The following CAPN14 variants were observed in gnomAD, a reference collection of about 807,000 sequenced individuals.
The protein encoded by CAPN14 is calpain-14.
In CAPN14, 94 loss-of-function variants were observed where a neutral mutation model predicts 101.3. The ratio of observed to expected loss-of-function variants is 0.93; its 90% CI spans 0.79 to 1.10. The LOEUF is 1.10. Among genes scored for constraint, CAPN14 ranks in the 50% least tolerant of loss-of-function variants. The pLI, the probability that CAPN14 is intolerant of heterozygous loss-of-function variation, is 0.00. For synonymous variants in CAPN14, 338 were observed against 317.9 expected (o/e 1.06, Z -0.67); for missense variants, 837 against 828.4 (o/e 1.01, Z -0.13).
upstream of CAPN14, among the ~76,000 whole-genome samples, chr2:31,219,610 A>C (rs897062311): frequency 3.3e-5 from 5 of 152,210 alleles, no homozygotes; most frequent in Non-Finnish European, 7.3e-5. Context: ...GAGCAGTAGA[A>C]CCGGAGCACT....
At chr2:31,206,398 G>A (rs1025870023) in intron 1 of CAPN14, among the ~76,000 whole-genome samples, 1 of 152,110 alleles carries the variant, frequency 6.6e-6, no homozygotes, top group Non-Finnish European at 1.5e-5. Flanking sequence ...AGATACAGAC[G>A]CCCGCCACCA....
chr2:31,190,060 C>G (rs1012616516), intron 12 of CAPN14, among the ~76,000 whole-genome samples: 2 of 152,124 alleles, frequency 1.3e-5, no homozygotes, highest in African/African-American at 2.4e-5. Context: ...ACAAAGAGAA[C>G]TGGGCAAGAG....
upstream of CAPN14, among the ~76,000 whole-genome samples, chr2:31,220,714 A>G (rs544073978): frequency 3.9e-5 from 6 of 152,318 alleles, 1 homozygote; most frequent in African/African-American, 1.4e-4. Context: ...CTGTAATCCC[A>G]GCTACTCAGG....
At chr2:31,204,720 T>G (rs1681980803) in intron 2 of CAPN14, among the ~76,000 whole-genome samples, 1 of 152,178 alleles carries the variant, frequency 6.6e-6, no homozygotes, top group Non-Finnish European at 1.5e-5. Flanking sequence ...TGCCTTGCCC[T>G]GTGCATCTCT....
upstream of CAPN14, among the ~76,000 whole-genome samples, chr2:31,220,080 G>A (rs962478772): frequency 2.6e-5 from 4 of 152,174 alleles, no homozygotes; most frequent in African/African-American, 9.7e-5. Flanking sequence ...TCTCACTACT[G>A]TGTGAATAGC....
At chr2:31,209,870 T>C (rs1484724251) in intron 1 of CAPN14, among the ~76,000 whole-genome samples, 3 of 152,150 alleles carry the variant, frequency 2.0e-5, no homozygotes, top group African/African-American at 4.8e-5. Context: ...TCAGAGCTAC[T>C]TGGCCTTTTA....
At chr2:31,229,043 A>G (rs922758118) in intron 1 of CAPN14, among the ~76,000 whole-genome samples, 2 of 152,346 alleles carry the variant, frequency 1.3e-5, no homozygotes, top group Non-Finnish European at 2.9e-5. Flanking sequence ...GGGGCATTAC[A>G]TGCAGCAGGA....
chr2:31,178,547 T>A lies in CAPN14; in HGVS notation c.1743A>T (p.Glu581Asp). Residue 581 changes from glutamate (E) to aspartate (D), a missense_variant, in exon 18 of 22, where the codon GAA becomes GAT. Physicochemically the swap from Glu to Asp is conservative, Grantham distance 45 (BLOSUM62 2). Transcript: ENST00000403897. ...TCAGCTGCTTCCACAGGTCCCTGAATTCCTGGATGCTCATAGTACCTGATG... is the reference window on the plus strand; with the variant it reads ...TCAGCTGCTTCCACAGGTCCCTGAAATCCTGGATGCTCATAGTACCTGATG... Reference protein sequence around the residue: ...LNASGTMSIQEFRDLWKQLKL... With the variant: ...LNASGTMSIQDFRDLWKQLKL... The A allele has an allele frequency of 1.3e-6, 2 of 1,549,386 alleles. No homozygotes were observed. The highest frequency in any genetic ancestry group is 8.7e-7 in the Non-Finnish European group (1 of 1,146,142).
At chr2:31,199,323 A>C (rs1206447919) in intron 7 of CAPN14, 147 bp downstream of exon 7, 2 of 726,948 alleles carry the variant, frequency 2.8e-6, no homozygotes, top group Non-Finnish European at 4.8e-6. Context: ...ACTTCACCGC[A>C]GGAAATAGAT....
chr2:31,192,188 G>A (rs17010928), intron 10 of CAPN14, 90 bp from the exon 11 acceptor site: 117,324 of 1,372,488 alleles, frequency 0.085, 7,917 homozygotes, highest in African/African-American at 0.35. Context: ...GTCTGAGGAC[G>A]CCTCTGCCAG....
intron 18 of CAPN14, 114 bp from the exon 19 acceptor site, chr2:31,177,935 C>A: frequency 1.4e-6 from 1 of 738,980 alleles, no homozygotes. Flanking sequence ...ATCTGAGGCT[C>A]CACATGCAGG....
rs1365466069 is a variant in CAPN14 at position 31,230,917 on chromosome 2, A to C, written c.-177+2874T>G. On this transcript the variant is annotated intron_variant and NMD_transcript_variant, in intron 1 of 21. Transcript: ENST00000398824. The surrounding 1 kb of genome is among the most constrained non-coding windows in gnomAD (Gnocchi z 4.3). ...CTGACTTTGTGGTGATATATATGCA[A>C]TCTCTATTGCAACTTCTGTATATGT... Among the ~76,000 whole-genome samples the C allele has an allele frequency of 6.6e-6, 1 of 152,066 alleles. No individual in the cohort carries two copies. The highest frequency in any genetic ancestry group is 1.5e-5 in the Non-Finnish European group (1 of 68,026).
At chr2:31,181,921 A>C (rs1360373548) in intron 16 of CAPN14, among the ~76,000 whole-genome samples, 12 of 151,432 alleles carry the variant, frequency 7.9e-5, no homozygotes, top group Non-Finnish European at 1.8e-4. Context: ...CCAGTCTATC[A>C]TTGTTGGACA....
rs544925747 is a variant in CAPN14, at chr2:31,186,190, T to C, written c.1645+238A>G. On this transcript the variant is annotated intron_variant, in intron 16 of 21. Transcript: ENST00000403897. ...TAGCAAAATGGCAGGAATCTTCATT[T>C]TCACTGCCATGTATGTCTATACCCA... Among the ~76,000 whole-genome samples, 5 of 152,388 alleles carry C rather than the reference T, an allele frequency of 3.3e-5. No homozygotes were observed. In the South Asian group the frequency reaches 1.0e-3, roughly 32 times the overall value.
rs545340667 is a variant in CAPN14 at position 31,196,676 on chromosome 2, G to A, written c.875+573C>T. 6.6e-5 allele frequency among the ~76,000 whole-genome samples: 10 copies of A among 152,264 alleles called. No individual in the cohort carries two copies. The South Asian group carries it at 1.5e-3, about 22-fold the overall frequency. On this transcript the variant is annotated intron_variant, in intron 8 of 21. Coordinates refer to ENST00000403897, the MANE Select transcript of CAPN14 (RefSeq NM_001145122.2). ...GCCTGTGCCCTACAGCCAGTGTCTA[G>A]CCTGCAAAACCCGCATTTCTTTAGG...
chr2:31,214,844 C>T (rs1368127787), intron 1 of CAPN14, among the ~76,000 whole-genome samples: 1 of 152,210 alleles, frequency 6.6e-6, no homozygotes, highest in African/African-American at 2.4e-5. Context: ...TCGCTCATTG[C>T]AGCTGAACCA....
chr2:31,192,232 G>A (rs1330405659), intron 10 of CAPN14, 134 bp from the exon 11 acceptor site: 45 of 1,051,444 alleles, frequency 4.3e-5, no homozygotes, highest in East Asian at 3.0e-4. Context: ...GGACAGAGTC[G>A]GGGTCCCTTC....
rs1680970984 is a variant in CAPN14, at chr2:31,187,701, G to A, written c.1587+57C>T. 7.7e-6 allele frequency: 11 copies of A among 1,426,220 alleles called. No homozygotes were observed. In the South Asian group the frequency reaches 1.4e-4, roughly 18 times the overall value. The allele number at this position is 1,426,220 out of a possible 1,614,324, so 88.3% of individuals were successfully genotyped here. On this transcript the variant is annotated intron_variant, in intron 15 of 21. Coordinates refer to ENST00000403897, the MANE Select transcript of CAPN14 (RefSeq NM_001145122.2). The stretch of plus-strand genomic sequence containing the variant: ...TGCAAACCTATACTTTATAAAATGA[G>A]AAGCTCCACTTCGTCCCCTGCTCTT...
intron 13 of CAPN14, 77 bp downstream of exon 13, chr2:31,189,196 C>T (rs1681054535): frequency 7.6e-7 from 1 of 1,315,674 alleles, no homozygotes; most frequent in Non-Finnish European, 1.1e-6. Context: ...CTGGTTTCTG[C>T]CATTTCCAAC....
Sources: gnomAD v4.1 joint callset for allele counts (sites outside exome capture counted in the v4.1 genomes callset) on GRCh38, gnomAD v4.1.1 for gene constraint, Gnocchi (gnomAD v3.1) non-coding constraint, MANE v1.5 for transcripts, NCBI Gene and HGNC (gene_info 2026-07-23, HGNC 2026-07-21) for gene names.